The following TJP1 variants were observed in gnomAD, a reference collection of about 807,000 sequenced individuals.
TJP1 encodes the protein tight junction protein ZO-1.
In TJP1, 43 loss-of-function variants were observed where a neutral mutation model predicts 194.2. The ratio of observed to expected loss-of-function variants is 0.22; its 90% confidence interval spans 0.17 to 0.29. TJP1 has a LOEUF of 0.29. TJP1 is among the 10% of genes least tolerant of loss of function. TJP1 has a pLI of 1.00. For missense variants in TJP1, 1,971 were observed against 2,185.7 expected, an observed-to-expected ratio of 0.90 and a Z score of 1.96; for synonymous variants, 801 against 779.0, an observed-to-expected ratio of 1.03 and a Z score of -0.47.
chr15:29,818,322 G>C (rs1002099636), intron 1 of TJP1, among the ~76,000 whole-genome samples: 1 of 152,164 alleles, frequency 6.6e-6, no homozygotes, highest in East Asian at 1.9e-4. Context: ...TTCAACCAAT[G>C]AAATCGTTTC....
At position 29,879,703 on chromosome 15, in the gene TJP1, ACT is replaced by A. The variant is rs1300514201; in HGVS notation, c.306+76527_306+76528del. Among the ~76,000 whole-genome samples the A allele has an allele frequency of 1.6e-4, 23 of 142,548 alleles. No individual in the cohort carries two copies. In the East Asian group the frequency reaches 4.8e-3, roughly 30 times the overall value. The allele number at this position is 142,548 out of a possible 152,430, so 93.5% of individuals were successfully genotyped here. A position where few individuals can be genotyped will look rare whatever the true frequency, so the allele number is the denominator to read the frequency against. On this transcript the variant is annotated intron_variant, in intron 2 of 28. Transcript: ENST00000356107. ...GTGTGCACTTTCGCATATAGCTTAGACTCTCTTTTTTTTCTTTTTTCTTTTTG... is the reference window on the plus strand; with the variant it reads ...GTGTGCACTTTCGCATATAGCTTAGACTCTTTTTTTTCTTTTTTCTTTTTG...
At chr15:29,763,380 C>G (rs892840272) in intron 5 of TJP1, among the ~76,000 whole-genome samples, 1 of 152,142 alleles carries the variant, frequency 6.6e-6, no homozygotes, top group African/African-American at 2.4e-5. Context: ...GAGAGTCTTA[C>G]TGCATTAAAA....
chr15:29,899,799 C>A (rs572337901), intron 2 of TJP1, among the ~76,000 whole-genome samples: 1 of 152,304 alleles, frequency 6.6e-6, no homozygotes, highest in Admixed American at 6.5e-5. Context: ...CTCACCCACA[C>A]ACTAACACAA....
intron 1 of TJP1, among the ~76,000 whole-genome samples, chr15:29,956,714 T>C (rs1184422747): frequency 1.3e-5 from 2 of 152,118 alleles, no homozygotes; most frequent in African/African-American, 2.4e-5. Flanking sequence ...ACCCTGCCTC[T>C]ACATATACAC....
intron 1 of TJP1, among the ~76,000 whole-genome samples, chr15:29,821,061 G>C (rs6495935): frequency 0.79 from 120,926 of 152,166 alleles, 48,556 homozygotes; most frequent in East Asian, 0.86. Flanking sequence ...CTTTAAAGGG[G>C]AGATTTTTTA....
intron 1 of TJP1, among the ~76,000 whole-genome samples, chr15:29,817,148 T>C (rs988128953): frequency 1.3e-5 from 2 of 152,108 alleles, no homozygotes; most frequent in African/African-American, 4.8e-5. Flanking sequence ...GGGCAAAGAA[T>C]ATGAACAGAC....
At chr15:29,764,940 T>C (rs993191211) in intron 5 of TJP1, among the ~76,000 whole-genome samples, 3 of 151,464 alleles carry the variant, frequency 2.0e-5, no homozygotes, top group African/African-American at 4.9e-5. Context: ...TTATTCAACC[T>C]GAGGAAAAGA....
chr15:29,708,991 G>T lies in TJP1; in HGVS notation c.4418C>A (p.Pro1473Gln). 5 of 1,613,908 alleles carry T rather than the reference G, an allele frequency of 3.1e-6. No individual in the cohort carries two copies. Among genetic ancestry groups the T allele is most frequent in the Non-Finnish European group, 4.2e-6 (5 of 1,179,942 alleles). The change falls in exon 25 of 28, where the codon CCA (proline) becomes CAA (glutamine). Residue 1473 changes from proline to glutamine, a missense_variant. Coordinates refer to ENST00000614355, the MANE Select transcript of TJP1 (RefSeq NM_001330239.4). The part of the protein sequence containing the change: ...LDFQNSLVSK[P>Q]DPPPSQNKPA... ...CTTATTCTGAGATGGAGGTGGGTCT[G>T]GTTTGGACACTAAGGAATTCTGAAA...
intron 2 of TJP1, among the ~76,000 whole-genome samples, chr15:29,954,949 G>T (rs909145808): frequency 1.3e-5 from 2 of 151,820 alleles, no homozygotes; most frequent in African/African-American, 4.8e-5. Context: ...GCGTGGTGGC[G>T]GGCGCCTGTA....
chr15:29,893,444 T>C (rs2053378204), intron 2 of TJP1, among the ~76,000 whole-genome samples: 2 of 152,190 alleles, frequency 1.3e-5, no homozygotes, highest in African/African-American at 4.8e-5. Flanking sequence ...TCAAATGTTA[T>C]CAAACAGCAT....
chr15:29,776,366 G>A (rs1244262055), intron 2 of TJP1, among the ~76,000 whole-genome samples: 1 of 152,184 alleles, frequency 6.6e-6, no homozygotes, highest in Non-Finnish European at 1.5e-5. Context: ...AAAAGGCACT[G>A]TAACAAACCC....
At chr15:29,761,340 A>G in intron 7 of TJP1, 54 bp from the exon 8 acceptor site, 1 of 1,595,300 alleles carries the variant, frequency 6.3e-7, no homozygotes, top group Non-Finnish European at 8.6e-7. Context: ...ACAGTCAAGT[A>G]TAAGGTACTC....
chr15:29,853,890 TG>T (rs2051740928), intron 2 of TJP1, among the ~76,000 whole-genome samples: 5 of 152,146 alleles, frequency 3.3e-5, no homozygotes, highest in Admixed American at 3.3e-4. Flanking sequence ...AATAAAATGA[TG>T]GGTGGTTTTT....
chr15:29,864,640 G>A (rs1471821263), intron 2 of TJP1, among the ~76,000 whole-genome samples: 1 of 152,156 alleles, frequency 6.6e-6, no homozygotes. Context: ...AGTAGAGGAA[G>A]GAACCTGGAA....
upstream of TJP1, among the ~76,000 whole-genome samples, chr15:29,824,666 A>G (rs2050626175): frequency 6.6e-6 from 1 of 152,224 alleles, no homozygotes; most frequent in South Asian, 2.1e-4. Context: ...AAGACCTTTC[A>G]CATTATCTTT....
Position 29,731,129 on chromosome 15 carries a change from T to A in TJP1, c.2017+1304A>T. 3 of 629,148 alleles carry A rather than the reference T, an allele frequency of 4.8e-6. 1 individual carries two copies. The highest frequency in any genetic ancestry group is 3.8e-5 in the South Asian group (2 of 52,208). The allele number at this position is 629,148 out of a possible 1,614,324, so 39.0% of individuals were successfully genotyped here. ...TGTTGTTCGCACACAGAACACTTCA[T>A]TGTTGTTTTTGGGGGAAGGGGCATA... is the stretch of plus-strand genomic sequence containing the variant. On this transcript the variant is annotated intron_variant, in intron 15 of 27. Coordinates refer to ENST00000614355, the MANE Select transcript of TJP1 (RefSeq NM_001330239.4).
intron 15 of TJP1, chr15:29,730,785 T>A (rs1166915989): frequency 5.2e-6 from 4 of 773,916 alleles, no homozygotes; most frequent in African/African-American, 5.1e-5. Context: ...ACAGAGAAGA[T>A]CCGCGAGGTT....
At chr15:29,814,243 A>G (rs192357415) in intron 1 of TJP1, among the ~76,000 whole-genome samples, 30 of 152,374 alleles carry the variant, frequency 2.0e-4, no homozygotes, top group African/African-American at 7.0e-4. Context: ...CTGTTATTAC[A>G]GGATGACCAT....
intron 1 of TJP1, among the ~76,000 whole-genome samples, chr15:29,957,730 C>T (rs2056001071): frequency 6.6e-6 from 1 of 152,150 alleles, no homozygotes. Flanking sequence ...TCCTTGGCAA[C>T]ATCTTTGGGT....
Sources: gnomAD v4.1 joint callset for allele counts (sites outside exome capture counted in the v4.1 genomes callset) on GRCh38, gnomAD v4.1.1 for gene constraint, MANE v1.5 for transcripts, NCBI Gene and HGNC (gene_info 2026-07-23, HGNC 2026-07-21) for gene names.